Variants in CSK observed in about 807,000 individuals in gnomAD.
The protein encoded by CSK is tyrosine-protein kinase CSK.
Under a neutral mutation model 62.3 loss-of-function variants are expected in CSK, and 7 were observed. The ratio of observed to expected loss-of-function variants is 0.11; its 90% confidence interval spans 0.06 to 0.21. CSK has a LOEUF of 0.21. CSK is among the 10% of genes least tolerant of loss of function. CSK has a pLI of 1.00. For missense variants in CSK, 294 were observed against 613.5 expected (o/e 0.48, Z 5.50); for synonymous variants, 237 against 246.0 (o/e 0.96, Z 0.34).
rs371065814 is a variant in CSK, at chr15:74,789,090, C to T, written c.-66+6370C>T. 5.9e-5 allele frequency among the ~76,000 whole-genome samples: 9 copies of T among 152,302 alleles called. 1 individual carries two copies. The East Asian group carries it at 7.7e-4, about 13-fold the overall frequency. ...CCCCCACCTCTCCCAAACCACTAGACGGGATTTCCGGTCCCACTGAACCAT... is the reference window on the plus strand; with the variant it reads ...CCCCCACCTCTCCCAAACCACTAGATGGGATTTCCGGTCCCACTGAACCAT... On this transcript the variant is annotated intron_variant, in intron 1 of 12. Coordinates refer to ENST00000220003, the MANE Select transcript of CSK (RefSeq NM_004383.3).
chr15:74,801,752 G>A lies in CSK; in HGVS notation c.945G>A (p.Leu315=). ...GCAACAATTTCGTGCATCGAGACCT[G>A]GCTGCCCGCAATGTGCTGGTGTCTG... The part of the protein sequence containing the change: ...LEGNNFVHRD[L]AARNVLVSED... The change falls in exon 11 of 13, where the codon CTG becomes CTA. Residue 315 remains leucine, a synonymous_variant. Transcript: ENST00000220003. 6.2e-7 allele frequency: 1 copy of A among 1,614,096 alleles called. No individual in the cohort carries two copies.
chr15:74,796,551 G>A (rs1193564629), intron 1 of CSK, among the ~76,000 whole-genome samples: 2 of 149,840 alleles, frequency 1.3e-5, no homozygotes, highest in East Asian at 2.0e-4. Context: ...CTATGATCAC[G>A]TCACTGCACT....
At position 74,798,519 on chromosome 15, in the gene CSK, CAG is replaced by C; in HGVS notation, c.16-93_16-92del. The C allele has an allele frequency of 7.6e-7, 1 of 1,317,210 alleles. No homozygotes were observed. The highest frequency in any genetic ancestry group is 1.1e-6 in the Non-Finnish European group (1 of 929,350). The allele number at this position is 1,317,210 out of a possible 1,614,324, so 81.6% of individuals were successfully genotyped here. A position where few individuals can be genotyped will look rare whatever the true frequency, so the allele number is the denominator to read the frequency against. ...GGGCAGAGCACCTCACCCAGGCTCA[CAG>C]AGGCCAGCTCAGAGGCTGTGACCAC... On this transcript the variant is annotated intron_variant, in intron 2 of 12. Transcript: ENST00000220003. The surrounding 1 kb of genome is among the most constrained non-coding windows in gnomAD (Gnocchi z 6.6).
Position 74,800,392 on chromosome 15 carries a change from C to G in CSK, c.463-20C>G, listed in dbSNP as rs2063771332. On this transcript the variant is annotated intron_variant, in intron 5 of 12. Coordinates refer to ENST00000220003, the MANE Select transcript of CSK (RefSeq NM_004383.3). ...GCACCTTGGGCTGTCTCTGAGCACC[C>G]TGCCCCCCACACCCTGCAGCACTAC... 1.9e-6 allele frequency: 3 copies of G among 1,610,942 alleles called. No homozygotes were observed. The highest frequency in any genetic ancestry group is 2.5e-6 in the Non-Finnish European group (3 of 1,178,056).
intron 1 of CSK, among the ~76,000 whole-genome samples, chr15:74,793,464 A>T (rs2063656577): frequency 1.3e-5 from 2 of 152,282 alleles, no homozygotes; most frequent in South Asian, 4.1e-4. Context: ...CCTGTCCGGC[A>T]GGGAGGCACG....
rs565393634 is a variant in CSK, at chr15:74,791,881, T to C, written c.-65-6352T>C. Among the ~76,000 whole-genome samples the C allele has an allele frequency of 2.6e-5, 4 of 152,340 alleles. No homozygotes were observed. In the East Asian group the frequency reaches 7.7e-4, roughly 29 times the overall value. On this transcript the variant is annotated intron_variant, in intron 1 of 12. Transcript: ENST00000220003. ...CGTCACCTTGCTGGTGATGCTTCAC[T>C]GGATCACTTGGTTCCGGGGTTGTCC...
chr15:74,800,398 C>T lies in CSK; in HGVS notation c.463-14C>T. 1 of 1,612,716 alleles carries T rather than the reference C, an allele frequency of 6.2e-7. No homozygotes were observed. Among genetic ancestry groups the T allele is most frequent in the Non-Finnish European group, 8.5e-7 (1 of 1,179,294 alleles). ...TGGGCTGTCTCTGAGCACCCTGCCCCCCACACCCTGCAGCACTACACCTCA... is the reference window on the plus strand; with the variant it reads ...TGGGCTGTCTCTGAGCACCCTGCCCTCCACACCCTGCAGCACTACACCTCA... On this transcript the variant is annotated splice_polypyrimidine_tract_variant and intron_variant, in intron 5 of 12. Coordinates refer to ENST00000220003, the MANE Select transcript of CSK (RefSeq NM_004383.3).
At chr15:74,784,540 C>T (rs929453867) in intron 1 of CSK, among the ~76,000 whole-genome samples, 9 of 152,044 alleles carry the variant, frequency 5.9e-5, no homozygotes, top group African/African-American at 2.2e-4. Context: ...TTGGTGCCCT[C>T]CACCCTCTCA....
At chr15:74,794,889 T>C (rs2063681824) in intron 1 of CSK, among the ~76,000 whole-genome samples, 1 of 152,014 alleles carries the variant, frequency 6.6e-6, no homozygotes, top group Non-Finnish European at 1.5e-5. Flanking sequence ...CAAACCCTGG[T>C]TCCTCACATT....
intron 5 of CSK, 108 bp downstream of exon 5, chr15:74,799,599 T>C (rs1411158697): frequency 4.3e-6 from 5 of 1,172,100 alleles, no homozygotes; most frequent in Admixed American, 4.5e-5. Flanking sequence ...TGACCAGCCA[T>C]GTGGGGCAAC....
At chr15:74,796,606 A>G (rs891134653) in intron 1 of CSK, among the ~76,000 whole-genome samples, 2 of 151,948 alleles carry the variant, frequency 1.3e-5, no homozygotes, top group Non-Finnish European at 2.9e-5. Context: ...AAAAAAAAAA[A>G]AAAGAAAAGA....
chr15:74,792,993 A>T (rs1181065855), intron 1 of CSK: 1 of 152,206 alleles, frequency 6.6e-6, no homozygotes, highest in Admixed American at 6.5e-5. Context: ...CCTCAGTGTG[A>T]TGTAGCCAGG....
At chr15:74,796,143 G>A (rs1327249731) in intron 1 of CSK, among the ~76,000 whole-genome samples, 1 of 152,122 alleles carries the variant, frequency 6.6e-6, no homozygotes, top group Non-Finnish European at 1.5e-5. Flanking sequence ...ACTTGAACCT[G>A]GGAGGCGGAG....
intron 1 of CSK, among the ~76,000 whole-genome samples, chr15:74,793,474 G>A (rs1193948545): frequency 6.6e-6 from 1 of 152,210 alleles, no homozygotes; most frequent in African/African-American, 2.4e-5. Context: ...AGGGAGGCAC[G>A]GGGCTATGGG....
Position 74,782,994 on chromosome 15 carries a change from A to G in CSK, c.-66+274A>G, listed in dbSNP as rs2063459952. On this transcript the variant is annotated intron_variant, in intron 1 of 12. Coordinates refer to ENST00000220003, the MANE Select transcript of CSK (RefSeq NM_004383.3). The surrounding 1 kb of genome is among the most constrained non-coding windows in gnomAD (Gnocchi z 5.7). ...GAGTCCCCCCCTCTGTGGAGCTCAGAGTAGGAGGTGGCTGGAGTCTGGAGG... is the reference window on the plus strand; with the variant it reads ...GAGTCCCCCCCTCTGTGGAGCTCAGGGTAGGAGGTGGCTGGAGTCTGGAGG... Among the ~76,000 whole-genome samples, 1 of 152,122 alleles carries G rather than the reference A, an allele frequency of 6.6e-6. No individual in the cohort carries two copies. Among genetic ancestry groups the G allele is most frequent in the African/African-American group, 2.4e-5 (1 of 41,416 alleles).
At position 74,802,395 on chromosome 15, in the gene CSK, C is replaced by T. The variant is rs746622803; in HGVS notation, c.1235C>T (p.Pro412Leu). 13 of 1,612,234 alleles carry T rather than the reference C, an allele frequency of 8.1e-6. No individual in the cohort carries two copies. Among genetic ancestry groups the T allele is most frequent in the South Asian group, 3.3e-5 (3 of 90,976 alleles). Residue 412 changes from proline (P) to leucine (L), a missense_variant, in exon 13 of 13, where the codon CCG becomes CTG. Pro to Leu is a moderately conservative substitution (Grantham distance 98, BLOSUM62 -3). Transcript: ENST00000220003. ...GYKMDAPDGCPPAVYEVMKNC... is the reference protein window; with the variant it reads ...GYKMDAPDGCLPAVYEVMKNC... ...AAGATGGATGCCCCCGACGGCTGCCCGCCCGCAGTCTATGAAGTCATGAAG... is the reference window on the plus strand; with the variant it reads ...AAGATGGATGCCCCCGACGGCTGCCTGCCCGCAGTCTATGAAGTCATGAAG...
At chr15:74,799,220 C>A in intron 4 of CSK, 52 bp from the exon 5 acceptor site, 1 of 1,547,560 alleles carries the variant, frequency 6.5e-7, no homozygotes, top group South Asian at 1.2e-5. Context: ...GAAAGGGGAG[C>A]CAGGGTCAGT....
rs1428924384 is a variant in CSK, at chr15:74,798,145, C to T, written c.-65-88C>T. ...ATCCCAGCGCAGGACACTCTTGGCA[C>T]CTGTTCATGCCCAGTGAGGAGCCAG... On this transcript the variant is annotated intron_variant, in intron 1 of 12. Transcript: ENST00000220003. This position sits in a 1 kb window ranked among gnomAD's most constrained non-coding sequence, Gnocchi z 6.6. 2.4e-5 allele frequency: 18 copies of T among 749,852 alleles called. No homozygotes were observed. Among genetic ancestry groups the T allele is most frequent in the Non-Finnish European group, 2.6e-5 (12 of 466,872 alleles). 46.4% of individuals were successfully genotyped at this position (749,852 alleles called of 1,614,324 possible). A position where few individuals can be genotyped will look rare whatever the true frequency, so the allele number is the denominator to read the frequency against.
intron 1 of CSK, among the ~76,000 whole-genome samples, chr15:74,786,490 C>G (rs2063524080): frequency 6.6e-6 from 1 of 152,182 alleles, no homozygotes; most frequent in South Asian, 2.1e-4. Flanking sequence ...GCACCCTGTT[C>G]CAGTAGCCAA....
Sources: gnomAD v4.1 joint callset for allele counts (sites outside exome capture counted in the v4.1 genomes callset) on GRCh38, gnomAD v4.1.1 for gene constraint, Gnocchi (gnomAD v3.1) non-coding constraint, MANE v1.5 for transcripts, NCBI Gene and HGNC (gene_info 2026-07-23, HGNC 2026-07-21) for gene names.